Variants in SYT2 observed in about 807,000 individuals in gnomAD.
SYT2 encodes synaptotagmin 2, also known as synaptotagmin-2.
Under a neutral mutation model 39.9 loss-of-function variants are expected in SYT2, and 15 were observed. That is an observed-to-expected ratio of 0.38 (90% CI 0.25 to 0.58). The LOEUF is 0.58. Ranked by LOEUF, SYT2 falls within the 20% of genes least tolerant of loss-of-function variation. The pLI, the probability that SYT2 is intolerant of heterozygous loss-of-function variation, is 0.70. For synonymous variants in SYT2, 181 were observed against 204.5 expected, an observed-to-expected ratio of 0.89 and a Z score of 0.98; for missense variants, 389 against 530.3, an observed-to-expected ratio of 0.73 and a Z score of 2.62.
At position 202,596,288 on chromosome 1, in the gene SYT2, C is replaced by CACACACACACACACACAT. The variant is rs1690286907; in HGVS notation, c.*468_*469insATGTGTGTGTGTGTGTGT. ...TCAAAGACACACACACACACACACA[C>CACACACACACACACACAT]ACACACACACACACACACATACACA... On this transcript the variant is annotated 3_prime_UTR_variant, in exon 9 of 9. Coordinates refer to ENST00000367268, the MANE Select transcript of SYT2 (RefSeq NM_177402.5). 5 of 101,902 alleles carry CACACACACACACACACAT rather than the reference C, an allele frequency of 4.9e-5. No homozygotes were observed. The highest frequency in any genetic ancestry group is 1.2e-4 in the African/African-American group (3 of 24,282). The allele number at this position is 101,902 out of a possible 1,614,324, so 6.3% of individuals were successfully genotyped here.
rs2362943 is a variant in SYT2, at chr1:202,614,198, T to A, written c.-17-8409A>T. Among the ~76,000 whole-genome samples the A allele has an allele frequency of 5.9e-5, 9 of 152,322 alleles. No homozygotes were observed. Among genetic ancestry groups the A allele is most frequent in the African/African-American group, 2.2e-4 (9 of 41,566 alleles). On this transcript the variant is annotated intron_variant, in intron 1 of 8. Transcript: ENST00000367268. The surrounding 1 kb of genome is among the most constrained non-coding windows in gnomAD (Gnocchi z 4.0). Reference sequence around the variant, plus strand: ...CAGGAATGAAGACGCTTAATGCTCCTGAGGTTCAGGGAATCTGCAGGCCAG... The same window carrying A: ...CAGGAATGAAGACGCTTAATGCTCCAGAGGTTCAGGGAATCTGCAGGCCAG...
At chr1:202,634,435 T>C (rs1258079506) in intron 1 of SYT2, among the ~76,000 whole-genome samples, 1 of 151,806 alleles carries the variant, frequency 6.6e-6, no homozygotes, top group Non-Finnish European at 1.5e-5. Flanking sequence ...CAGAATTGCT[T>C]GAACCCGAGA....
At position 202,618,542 on chromosome 1, in the gene SYT2, G is replaced by A. The variant is rs146238453; in HGVS notation, c.-17-12753C>T. Among the ~76,000 whole-genome samples, 211 of 152,204 alleles carry A rather than the reference G, an allele frequency of 1.4e-3. 1 individual carries two copies. Among genetic ancestry groups the A allele is most frequent in the African/African-American group, 4.6e-3 (191 of 41,530 alleles). On this transcript the variant is annotated intron_variant, in intron 1 of 8. Transcript: ENST00000367268. ...GGCCTGGGACCATAGAGAGTCAGAC[G>A]CACCCCCTTATGAGTCATTTCACCT...
At chr1:202,664,802 GGT>G (rs1321681876) in intron 1 of SYT2, among the ~76,000 whole-genome samples, 2 of 152,152 alleles carry the variant, frequency 1.3e-5, no homozygotes, top group Non-Finnish European at 2.9e-5. Context: ...TGGGATTACA[GGT>G]GCCCACCACC....
At chr1:202,670,111 C>T in intron 1 of SYT2, among the ~76,000 whole-genome samples, 1 of 152,140 alleles carries the variant, frequency 6.6e-6, no homozygotes, top group East Asian at 1.9e-4. Context: ...CAGAGAATAC[C>T]ACTAATGCTA....
chr1:202,627,224 G>GTA, intron 1 of SYT2, among the ~76,000 whole-genome samples: 1 of 152,338 alleles, frequency 6.6e-6, no homozygotes, highest in Admixed American at 6.5e-5. Context: ...AAAGGTACTT[G>GTA]TATAAGCAGC....
chr1:202,631,175 G>C (rs2669181), intron 1 of SYT2, among the ~76,000 whole-genome samples: 31,113 of 152,174 alleles, frequency 0.2, 3,860 homozygotes, highest in South Asian at 0.3. Flanking sequence ...CCTCGGAGAG[G>C]CTTAATGAGC....
At chr1:202,602,181 C>A in intron 5 of SYT2, 124 bp from the exon 6 acceptor site, 1 of 945,686 alleles carries the variant, frequency 1.1e-6, no homozygotes. Context: ...AGACAAAGAC[C>A]AAGGCTTTTG....
intron 1 of SYT2, among the ~76,000 whole-genome samples, chr1:202,693,412 C>T (rs566341459): frequency 2.4e-4 from 36 of 152,208 alleles, no homozygotes; most frequent in Non-Finnish European, 3.5e-4. Flanking sequence ...TCATCGCCTG[C>T]ATCTGGGCAT....
intron 1 of SYT2, among the ~76,000 whole-genome samples, chr1:202,607,644 A>C (rs995066953): frequency 2.6e-5 from 4 of 152,168 alleles, no homozygotes; most frequent in Non-Finnish European, 4.4e-5. Context: ...ATGTAGGTTC[A>C]TTCACCAAGC....
intron 1 of SYT2, among the ~76,000 whole-genome samples, chr1:202,638,054 T>C (rs576965687): frequency 6.6e-6 from 1 of 152,376 alleles, no homozygotes; most frequent in East Asian, 1.9e-4. Flanking sequence ...ACATGAGCCC[T>C]TCCTGCTGCA....
chr1:202,685,066 C>A lies in SYT2; in HGVS notation c.-18+25192G>T, dbSNP rs1653628266. Among the ~76,000 whole-genome samples, 4 of 152,154 alleles carry A rather than the reference C, an allele frequency of 2.6e-5. No homozygotes were observed. In the South Asian group the frequency reaches 6.2e-4, roughly 24 times the overall value. On this transcript the variant is annotated intron_variant, in intron 1 of 8. Coordinates refer to ENST00000367268, the MANE Select transcript of SYT2 (RefSeq NM_177402.5). ...GGAAGCCGGGAAGAGAGAGGTTAGA[C>A]CCAGTGGTCGCCTGTGAGGGGAAGT...
At chr1:202,631,663 T>G (rs1248253153) in intron 1 of SYT2, among the ~76,000 whole-genome samples, 1 of 151,712 alleles carries the variant, frequency 6.6e-6, no homozygotes, top group Non-Finnish European at 1.5e-5. Flanking sequence ...ACTGCGGGGG[T>G]CTCCTCTCTT....
At chr1:202,659,362 A>AG (rs1692337864) in intron 1 of SYT2, among the ~76,000 whole-genome samples, 1 of 152,214 alleles carries the variant, frequency 6.6e-6, no homozygotes, top group African/African-American at 2.4e-5. Flanking sequence ...GAATGGAACC[A>AG]GGGGCAGACC....
At chr1:202,641,237 A>C (rs150542948) in intron 1 of SYT2, among the ~76,000 whole-genome samples, 1,865 of 152,238 alleles carry the variant, frequency 0.012, 19 homozygotes, top group Middle Eastern at 0.037. Flanking sequence ...TATTTGTCTC[A>C]ATTTGTCTCG....
In SYT2 at chr1:202,706,504, A is replaced by G. The variant is rs1032978852; in HGVS notation, c.-18+3754T>C. Among the ~76,000 whole-genome samples, 74 of 152,292 alleles carry G rather than the reference A, an allele frequency of 4.9e-4. No individual in the cohort carries two copies. The Middle Eastern group carries it at 0.014, about 28-fold the overall frequency. ...ATCCTCACCAAGAACAATCTACGTC[A>G]TAGTTACAAATTTTAGCTCCATTCT... On this transcript the variant is annotated intron_variant, in intron 1 of 8. Coordinates refer to ENST00000367268, the MANE Select transcript of SYT2 (RefSeq NM_177402.5).
intron 1 of SYT2, among the ~76,000 whole-genome samples, chr1:202,698,581 TG>T (rs1654033344): frequency 1.3e-5 from 2 of 152,086 alleles, no homozygotes; most frequent in Admixed American, 1.3e-4. Context: ...GAGTGCTAAA[TG>T]GTAACTACAG....
intron 1 of SYT2, among the ~76,000 whole-genome samples, chr1:202,673,820 T>C (rs774234487): frequency 2.0e-5 from 3 of 152,224 alleles, no homozygotes; most frequent in Non-Finnish European, 4.4e-5. Context: ...GAGATTTATT[T>C]AGCACATTTA....
rs545557580 is a variant in SYT2, at chr1:202,604,277, C to A, written c.345+178G>T. On this transcript the variant is annotated intron_variant, in intron 3 of 8. Transcript: ENST00000367268. ...ATGCTAACACAGGAATAAGGCCCCCCCCTCCCAGGGGCCTCCAGGTAGACG... is the reference window on the plus strand; with the variant it reads ...ATGCTAACACAGGAATAAGGCCCCCACCTCCCAGGGGCCTCCAGGTAGACG... The A allele has an allele frequency of 1.7e-4, 113 of 651,984 alleles. No individual in the cohort carries two copies. In the African/African-American group the frequency reaches 1.9e-3, roughly 11 times the overall value. 40.4% of individuals were successfully genotyped at this position (651,984 alleles called of 1,614,324 possible).
Sources: allele counts gnomAD v4.1 joint callset (sites outside exome capture counted in the v4.1 genomes callset), GRCh38; gene constraint gnomAD v4.1.1; non-coding constraint Gnocchi (gnomAD v3.1); transcripts MANE v1.5; gene names NCBI Gene and HGNC (gene_info 2026-07-23, HGNC 2026-07-21).